Variants in UBE2L3 observed in about 807,000 individuals in gnomAD.
UBE2L3 encodes the protein ubiquitin-conjugating enzyme E2 L3.
In UBE2L3, 1 loss-of-function variant was observed where a neutral mutation model predicts 17.8. The ratio of observed to expected loss-of-function variants is 0.06; its 90% CI spans 0.02 to 0.27. The LOEUF is 0.27. Among genes scored for constraint, UBE2L3 ranks in the 10% least tolerant of loss-of-function variants. UBE2L3 has a pLI of 1.00. For missense variants in UBE2L3, 40 were observed against 192.6 expected (o/e 0.21, Z 4.69); for synonymous variants, 44 against 68.5 (o/e 0.64, Z 1.76).
chr22:21,582,822 C>T (rs1225015146), intron 1 of UBE2L3, among the ~76,000 whole-genome samples: 1 of 152,188 alleles, frequency 6.6e-6, no homozygotes, highest in African/African-American at 2.4e-5. Context: ...CCGTGCCCGG[C>T]CCTCAATATG....
intron 1 of UBE2L3, chr22:21,568,290 A>G (rs1436121840): frequency 1.7e-5 from 17 of 985,822 alleles, no homozygotes; most frequent in Non-Finnish European, 2.0e-5. Context: ...CCAGGCGGCC[A>G]AAGTTAGGTC....
chr22:21,607,539 A>G (rs1167373997), intron 2 of UBE2L3, among the ~76,000 whole-genome samples: 2 of 140,012 alleles, frequency 1.4e-5, no homozygotes, highest in Non-Finnish European at 3.1e-5. Context: ...AAAAAAAAAG[A>G]TTGTTCTTGG....
Position 21,592,970 on chromosome 22 carries a change from A to G in UBE2L3, c.123+14A>G. Reference sequence around the variant, plus strand: ...CTTATTGTTCCTGTGAGTATTGAACACTTCCACTTCCTACCAGATTATTCT... The same window carrying G: ...CTTATTGTTCCTGTGAGTATTGAACGCTTCCACTTCCTACCAGATTATTCT... On this transcript the variant is annotated intron_variant, in intron 2 of 3. Coordinates refer to ENST00000342192, the MANE Select transcript of UBE2L3 (RefSeq NM_003347.4). 6.3e-7 allele frequency: 1 copy of G among 1,598,622 alleles called. No individual in the cohort carries two copies. The highest frequency in any genetic ancestry group is 1.3e-5 in the African/African-American group (1 of 74,724).
intron 1 of UBE2L3, among the ~76,000 whole-genome samples, chr22:21,579,149 C>T (rs1476025305): frequency 6.6e-6 from 1 of 151,954 alleles, no homozygotes; most frequent in Admixed American, 6.6e-5. Flanking sequence ...CGCCACCACG[C>T]CTGGCTAATT....
Position 21,621,980 on chromosome 22 carries a change from A to G in UBE2L3, c.*311A>G, listed in dbSNP as rs1930055446. On this transcript the variant is annotated 3_prime_UTR_variant, in exon 4 of 4. Coordinates refer to ENST00000342192, the MANE Select transcript of UBE2L3 (RefSeq NM_003347.4). ...AAAATCTTCAAGTTACATTTAACCC[A>G]TAAGGTTTAAAAAAAAGGAAAAAAA... is the stretch of plus-strand genomic sequence containing the variant. The G allele has an allele frequency of 3.8e-6, 1 of 262,132 alleles. No homozygotes were observed. Among genetic ancestry groups the G allele is most frequent in the Non-Finnish European group, 7.1e-6 (1 of 141,566 alleles). The allele number at this position is 262,132 out of a possible 1,614,324, so 16.2% of individuals were successfully genotyped here.
intron 1 of UBE2L3, among the ~76,000 whole-genome samples, chr22:21,590,606 T>C (rs1928203533): frequency 6.6e-6 from 1 of 152,248 alleles, no homozygotes; most frequent in Non-Finnish European, 1.5e-5. Context: ...ATCTTCACTG[T>C]TGTTTCTTCT....
chr22:21,601,746 C>T (rs947373154), intron 2 of UBE2L3, among the ~76,000 whole-genome samples: 34 of 151,034 alleles, frequency 2.3e-4, no homozygotes, highest in Non-Finnish European at 3.4e-4. Flanking sequence ...CTGAGGCAGG[C>T]GGGTCACGAG....
At chr22:21,615,132 G>A (rs1316618520) in intron 3 of UBE2L3, among the ~76,000 whole-genome samples, 2 of 152,104 alleles carry the variant, frequency 1.3e-5, no homozygotes, top group Non-Finnish European at 2.9e-5. Flanking sequence ...TCCAGCCTGG[G>A]CAACAAGAGC....
intron 1 of UBE2L3, among the ~76,000 whole-genome samples, chr22:21,587,278 A>G (rs1167587399): frequency 7.4e-6 from 1 of 134,424 alleles, no homozygotes; most frequent in Admixed American, 7.5e-5. Context: ...GCAACCTCCG[A>G]CTCCCTGGTT....
At chr22:21,569,780 C>T (rs1189722073) in intron 1 of UBE2L3, among the ~76,000 whole-genome samples, 1 of 152,172 alleles carries the variant, frequency 6.6e-6, no homozygotes, top group South Asian at 2.1e-4. Flanking sequence ...ATGTTTAATC[C>T]TTCCTGTGAA....
chr22:21,603,207 T>A lies in UBE2L3; in HGVS notation c.124-7650T>A, dbSNP rs557943401. 9.2e-5 allele frequency among the ~76,000 whole-genome samples: 14 copies of A among 152,188 alleles called. No individual in the cohort carries two copies. In the East Asian group the frequency reaches 2.7e-3, roughly 29 times the overall value. On this transcript the variant is annotated intron_variant, in intron 2 of 3. Coordinates refer to ENST00000342192, the MANE Select transcript of UBE2L3 (RefSeq NM_003347.4). ...TACTATATATAAAAGAAAATCCACT[T>A]TAAAACCGGTATCTTTCTTTCTTTA...
chr22:21,558,571 C>T (rs1413055367), intron 1 of UBE2L3, among the ~76,000 whole-genome samples: 1 of 145,320 alleles, frequency 6.9e-6, no homozygotes, highest in African/African-American at 2.6e-5. Context: ...GCAGAGCTTG[C>T]AGTGAGCCAA....
chr22:21,605,777 A>G (rs868691615), intron 2 of UBE2L3, among the ~76,000 whole-genome samples: 2 of 152,196 alleles, frequency 1.3e-5, no homozygotes, highest in Non-Finnish European at 2.9e-5. Context: ...AAGTGTTGGG[A>G]TTACAGGCAT....
chr22:21,581,011 C>T (rs554617132), intron 1 of UBE2L3, among the ~76,000 whole-genome samples: 6 of 150,762 alleles, frequency 4.0e-5, no homozygotes, highest in East Asian at 2.0e-4. Context: ...GCCTCAGCCT[C>T]TTGGGTAGCT....
At chr22:21,568,186 G>T (rs1926747831) in intron 1 of UBE2L3, 26 of 996,692 alleles carry the variant, frequency 2.6e-5, no homozygotes, top group South Asian at 4.6e-5. Flanking sequence ...GAACCGCCCC[G>T]CCCTGGGCCG....
At chr22:21,610,408 A>G (rs958882979) in intron 2 of UBE2L3, among the ~76,000 whole-genome samples, 3 of 152,218 alleles carry the variant, frequency 2.0e-5, no homozygotes, top group South Asian at 4.1e-4. Context: ...AACACCAAGT[A>G]TGAGCCCTAA....
chr22:21,576,801 C>CTTTTTTT lies in UBE2L3; in HGVS notation c.27+9044_27+9050dup, dbSNP rs757829734. 1.1e-4 allele frequency among the ~76,000 whole-genome samples: 13 copies of CTTTTTTT among 118,144 alleles called. 1 individual carries two copies. The highest frequency in any genetic ancestry group is 2.6e-4 in the East Asian group (1 of 3,846). 77.5% of individuals were successfully genotyped at this position (118,144 alleles called of 152,430 possible). ...ATTCTTGCTTCTTGTCTTCTCTTTC[C>CTTTTTTT]TTTTTTTTTTTTTTTTTTTTGAGAC... is the stretch of plus-strand genomic sequence containing the variant. On this transcript the variant is annotated intron_variant, in intron 1 of 3. Transcript: ENST00000342192.
At chr22:21,562,457 C>T (rs1307207956) in intron 1 of UBE2L3, among the ~76,000 whole-genome samples, 1 of 151,584 alleles carries the variant, frequency 6.6e-6, no homozygotes, top group Non-Finnish European at 1.5e-5. Context: ...CTGCAAACTC[C>T]GCCTCCCGGG....
upstream of UBE2L3, chr22:21,567,490 A>T: frequency 1.4e-6 from 1 of 698,558 alleles, no homozygotes; most frequent in Non-Finnish European, 2.3e-6. Flanking sequence ...AGTATTTATT[A>T]TGCTCCTACT....
Sources: gnomAD v4.1 joint callset for allele counts (sites outside exome capture counted in the v4.1 genomes callset) on GRCh38, gnomAD v4.1.1 for gene constraint, MANE v1.5 for transcripts, NCBI Gene and HGNC (gene_info 2026-07-23, HGNC 2026-07-21) for gene names.